PPP2R2A: variants seen among roughly 807,000 people sequenced by gnomAD.
PPP2R2A encodes protein phosphatase 2 regulatory subunit Balpha.
PPP2R2A carries 9 observed loss-of-function variants against 53.2 expected under a neutral mutation model. The observed-to-expected ratio is 0.17, with a 90% confidence interval of 0.10 to 0.30. The LOEUF is 0.30. PPP2R2A is among the 10% of genes least tolerant of loss of function. PPP2R2A has a pLI of 1.00. For missense variants in PPP2R2A, 235 were observed against 534.6 expected (o/e 0.44, Z 5.53); for synonymous variants, 169 against 174.2 (o/e 0.97, Z 0.23).
In PPP2R2A at chr8:26,362,707, A is replaced by T; in HGVS notation, c.661A>T (p.Asn221Tyr). 1 of 1,614,098 alleles carries T rather than the reference A, an allele frequency of 6.2e-7. No homozygotes were observed. Among genetic ancestry groups the T allele is most frequent in the Non-Finnish European group, 8.5e-7 (1 of 1,179,976 alleles). The stretch of plus-strand genomic sequence containing the variant: ...AGACATTGTGGATATCAAGCCTGCC[A>T]ATATGGAAGAGCTAACAGAGGTGAT... ...SFNIVDIKPA[N>Y]MEELTEVITA... The change falls in exon 7 of 10, where the codon AAT becomes TAT. Residue 221 changes from asparagine to tyrosine, a missense_variant. Physicochemically the swap from Asn to Tyr is moderately radical, Grantham distance 143. Coordinates refer to ENST00000380737, the MANE Select transcript of PPP2R2A (RefSeq NM_002717.4). This position sits in a 1 kb window ranked among gnomAD's most constrained non-coding sequence, Gnocchi z 4.4.
At chr8:26,303,720 T>G (rs1801889446) in intron 2 of PPP2R2A, among the ~76,000 whole-genome samples, 1 of 152,308 alleles carries the variant, frequency 6.6e-6, no homozygotes, top group Admixed American at 6.5e-5. Context: ...TTCAGCAGTT[T>G]TCTGTCCAGG....
intron 2 of PPP2R2A, among the ~76,000 whole-genome samples, chr8:26,296,007 A>G (rs1801525762): frequency 2.6e-5 from 4 of 152,022 alleles, no homozygotes; most frequent in African/African-American, 7.3e-5. Context: ...GATTGTCTCC[A>G]TATTGCCTGC....
intron 2 of PPP2R2A, among the ~76,000 whole-genome samples, chr8:26,314,470 T>C (rs1802444780): frequency 6.6e-6 from 1 of 152,140 alleles, no homozygotes; most frequent in Admixed American, 6.5e-5. Context: ...TCTTTTTCTT[T>C]CTTGTTTTAT....
chr8:26,314,646 C>A (rs1478642918), intron 2 of PPP2R2A, among the ~76,000 whole-genome samples: 1 of 152,104 alleles, frequency 6.6e-6, no homozygotes, highest in Non-Finnish European at 1.5e-5. Context: ...GGAGGTGTTT[C>A]TTTTGTCTGT....
chr8:26,361,206 T>G (rs1003172983), intron 6 of PPP2R2A, 55 bp downstream of exon 6: 2 of 1,462,492 alleles, frequency 1.4e-6, no homozygotes, highest in South Asian at 2.8e-5. Flanking sequence ...GTGCCCATAT[T>G]AGATTTATTT....
Position 26,354,663 on chromosome 8 carries a change from C to G in PPP2R2A, c.346+30C>G. 6.5e-7 allele frequency: 1 copy of G among 1,534,392 alleles called. No individual in the cohort carries two copies. Among genetic ancestry groups the G allele is most frequent in the South Asian group, 1.3e-5 (1 of 77,156 alleles). On this transcript the variant is annotated intron_variant, in intron 4 of 9. Transcript: ENST00000380737. The surrounding 1 kb of genome is among the most constrained non-coding windows in gnomAD (Gnocchi z 4.6). ...GTATACATATTTTCTTTCCATGTGC[C>G]CACTGTGTGTACCTGTTGCACATAT...
At chr8:26,313,738 G>T (rs954489270) in intron 2 of PPP2R2A, among the ~76,000 whole-genome samples, 1 of 152,112 alleles carries the variant, frequency 6.6e-6, no homozygotes, top group African/African-American at 2.4e-5. Flanking sequence ...GCAAGGAAAG[G>T]GTCACAAGCC....
rs371851460 is a variant in PPP2R2A at position 26,324,913 on chromosome 8, G to A, written c.83-13977G>A. ...AAATTTGACTGGCCTGCTGGATTTC[G>A]GACTTGCATGGACCCTATACCCTCT... On this transcript the variant is annotated intron_variant, in intron 2 of 9. Transcript: ENST00000380737. 7.9e-5 allele frequency among the ~76,000 whole-genome samples: 12 copies of A among 151,476 alleles called. 1 individual carries two copies. Among genetic ancestry groups the A allele is most frequent in the African/African-American group, 1.7e-4 (7 of 41,152 alleles).
At position 26,362,566 on chromosome 8, in the gene PPP2R2A, G is replaced by A. The variant is rs538198833; in HGVS notation, c.638-118G>A. 121 of 893,832 alleles carry A rather than the reference G, an allele frequency of 1.4e-4. No homozygotes were observed. Among genetic ancestry groups the A allele is most frequent in the Middle Eastern group, 6.5e-4 (2 of 3,078 alleles). 55.4% of individuals were successfully genotyped at this position (893,832 alleles called of 1,614,324 possible). Reference sequence around the variant, plus strand: ...AATTTATACTCATAAAAACAGTGGAGTGCAATTCAGAATTAATATTTTTGC... The same window carrying A: ...AATTTATACTCATAAAAACAGTGGAATGCAATTCAGAATTAATATTTTTGC... On this transcript the variant is annotated intron_variant, in intron 6 of 9. Coordinates refer to ENST00000380737, the MANE Select transcript of PPP2R2A (RefSeq NM_002717.4). The surrounding 1 kb of genome is among the most constrained non-coding windows in gnomAD (Gnocchi z 4.4).
rs760219402 is a variant in PPP2R2A, at chr8:26,361,150, T to C, written c.636T>C (p.Phe212=). The C allele has an allele frequency of 5.7e-6, 9 of 1,585,868 alleles. No homozygotes were observed. Among genetic ancestry groups the C allele is most frequent in the South Asian group, 3.5e-5 (3 of 86,112 alleles). The change falls in exon 6 of 10, where the codon TTT becomes TTC. Residue 212 remains phenylalanine (F), a splice_region_variant and synonymous_variant. Transcript: ENST00000380737. ...LWHLEITDRS[F]NIVDIKPANM... ...ATCTGGAAATTACAGACAGGAGTTT[T>C]AGTATCCATTTGGTTTTCTTTGGTG...
At chr8:26,361,243 T>G in intron 6 of PPP2R2A, 92 bp downstream of exon 6, 1 of 1,315,686 alleles carries the variant, frequency 7.6e-7, no homozygotes, top group Non-Finnish European at 1.0e-6. Context: ...TTTGGTTGCT[T>G]TTTATAGTCT....
chr8:26,293,771 A>G, intron 2 of PPP2R2A, 31 bp downstream of exon 2: 1 of 1,602,872 alleles, frequency 6.2e-7, no homozygotes, highest in Non-Finnish European at 8.5e-7. Flanking sequence ...AAATTTGGAT[A>G]TATAATTTTT....
chr8:26,365,203 C>G (rs1805306375), intron 8 of PPP2R2A: 2 of 152,188 alleles, frequency 1.3e-5, no homozygotes. Context: ...AAAGTAGTCA[C>G]ATTATAGGCA....
intron 2 of PPP2R2A, among the ~76,000 whole-genome samples, chr8:26,328,426 C>T (rs900919263): frequency 6.6e-6 from 1 of 152,118 alleles, no homozygotes; most frequent in African/African-American, 2.4e-5. Context: ...CTAAGTATTG[C>T]CTCTTTTTAA....
At chr8:26,330,042 C>T (rs1803288130) in intron 2 of PPP2R2A, among the ~76,000 whole-genome samples, 1 of 152,150 alleles carries the variant, frequency 6.6e-6, no homozygotes, top group South Asian at 2.1e-4. Flanking sequence ...CCTGCCCCTT[C>T]CCAGGACTGC....
intron 2 of PPP2R2A, among the ~76,000 whole-genome samples, chr8:26,298,009 G>T (rs573471589): frequency 2.0e-5 from 3 of 152,316 alleles, no homozygotes; most frequent in Non-Finnish European, 4.4e-5. Context: ...GAAAAGCTAT[G>T]AAGTAAAAGG....
At position 26,293,495 on chromosome 8, in the gene PPP2R2A, G is replaced by A. The variant is rs538422156; in HGVS notation, c.8-171G>A. On this transcript the variant is annotated intron_variant, in intron 1 of 9. Coordinates refer to ENST00000380737, the MANE Select transcript of PPP2R2A (RefSeq NM_002717.4). ...GAATCTTTTTTTTCTTTCTAATGCAGTACCAAGTATTGGGGACTAACCTCT... is the reference window on the plus strand; with the variant it reads ...GAATCTTTTTTTTCTTTCTAATGCAATACCAAGTATTGGGGACTAACCTCT... 4 of 700,958 alleles carry A rather than the reference G, an allele frequency of 5.7e-6. No individual in the cohort carries two copies. In the South Asian group the frequency reaches 8.2e-5, roughly 14 times the overall value. The allele number at this position is 700,958 out of a possible 1,614,324, so 43.4% of individuals were successfully genotyped here. A position where few individuals can be genotyped will look rare whatever the true frequency, so the allele number is the denominator to read the frequency against.
intron 2 of PPP2R2A, among the ~76,000 whole-genome samples, chr8:26,334,170 T>C (rs1227486527): frequency 6.6e-6 from 1 of 152,228 alleles, no homozygotes; most frequent in East Asian, 1.9e-4. Context: ...TATTAGAATG[T>C]TCTTTTGTAA....
chr8:26,310,821 T>C (rs748997538), intron 2 of PPP2R2A, among the ~76,000 whole-genome samples: 3 of 152,198 alleles, frequency 2.0e-5, no homozygotes, highest in Non-Finnish European at 4.4e-5. Context: ...GAAAAATCTT[T>C]TCCAGTTATT....
Sources: gnomAD v4.1 joint callset for allele counts (sites outside exome capture counted in the v4.1 genomes callset) on GRCh38, gnomAD v4.1.1 for gene constraint, Gnocchi (gnomAD v3.1) non-coding constraint, MANE v1.5 for transcripts, NCBI Gene and HGNC (gene_info 2026-07-23, HGNC 2026-07-21) for gene names.